Variants in TENM1 observed in about 807,000 individuals in gnomAD.
The protein encoded by TENM1 is teneurin transmembrane protein 1, also known as teneurin-1.
TENM1 carries 35 observed loss-of-function variants against 174.8 expected under a neutral mutation model. The observed-to-expected ratio is 0.20, with a 90% CI of 0.15 to 0.27. The LOEUF is 0.27. Among genes scored for constraint, TENM1 ranks in the 10% least tolerant of loss-of-function variants. The pLI, the probability that TENM1 is intolerant of heterozygous loss-of-function variation, is 1.00. For missense variants in TENM1, 1,633 were observed against 2,130.1 expected (o/e 0.77, Z 4.59); for synonymous variants, 781 against 798.7 (o/e 0.98, Z 0.37).
intron 3 of TENM1, among the ~76,000 whole-genome samples, chrX:124,759,942 C>T (rs1469496409): frequency 9.0e-6 from 1 of 111,508 alleles, no homozygotes; most frequent in African/African-American, 3.3e-5. Flanking sequence ...TCAAGAGTCC[C>T]CGGCAAAACC....
rs184855558 is a variant in TENM1, at chrX:124,759,357, C to T, written c.536-22160G>A. Among the ~76,000 whole-genome samples the T allele has an allele frequency of 1.3e-4, 14 of 110,804 alleles. No individual in the cohort carries two copies. In the East Asian group the frequency reaches 2.5e-3, roughly 20 times the overall value. ...ATTATTTCCATAAGCTTTTGGGGAA[C>T]GGGTGGTATTTGGTTACATAAGTTC... On this transcript the variant is annotated intron_variant, in intron 3 of 31. Coordinates refer to ENST00000422452, the Ensembl canonical transcript of TENM1.
intron 13 of TENM1, among the ~76,000 whole-genome samples, chrX:124,562,894 T>A (rs1037194813): frequency 1.4e-4 from 16 of 112,162 alleles, no homozygotes; most frequent in Admixed American, 4.7e-4. Flanking sequence ...AAAAAAAGAT[T>A]AAAAAATCTG....
chrX:125,123,754 A>G, the TENM1 span, among the ~76,000 whole-genome samples: 3 of 112,776 alleles, frequency 2.7e-5, no homozygotes, highest in Non-Finnish European at 5.6e-5. Context: ...TTAAATTCTG[A>G]TATCACTCAT....
intron 22 of TENM1, among the ~76,000 whole-genome samples, chrX:124,481,164 T>C (rs940631486): frequency 8.9e-5 from 10 of 112,294 alleles, no homozygotes; most frequent in African/African-American, 1.9e-4. Context: ...ACTGAAAATA[T>C]AAGTAATTTC....
the TENM1 span, among the ~76,000 whole-genome samples, chrX:125,079,518 A>T: frequency 8.9e-6 from 1 of 112,097 alleles, no homozygotes; most frequent in Non-Finnish European, 1.9e-5. Flanking sequence ...ATTTCTGATA[A>T]ACAATATATG....
chrX:125,146,921 TTTAC>T, the TENM1 span, among the ~76,000 whole-genome samples: 1 of 111,213 alleles, frequency 9.0e-6, no homozygotes. Context: ...TCTTTGGCTT[TTTAC>T]TTAACAGAGA....
chrX:124,796,128 A>T (rs1246232553), intron 3 of TENM1, among the ~76,000 whole-genome samples: 2 of 111,569 alleles, frequency 1.8e-5, no homozygotes, highest in African/African-American at 6.5e-5. Context: ...TACAAGAAAT[A>T]ATATTAAGAA....
intron 22 of TENM1, among the ~76,000 whole-genome samples, chrX:124,469,694 T>C (rs1422964561): frequency 9.0e-6 from 1 of 111,025 alleles, no homozygotes; most frequent in Non-Finnish European, 1.9e-5. Context: ...TCTGACCATA[T>C]GAAGTTAGAA....
the TENM1 span, among the ~76,000 whole-genome samples, chrX:125,105,467 C>G: frequency 9.0e-6 from 1 of 111,689 alleles, no homozygotes; most frequent in African/African-American, 3.3e-5. Flanking sequence ...GGAGGCCTTC[C>G]TGGGTACATG....
chrX:125,065,331 C>T, the TENM1 span, among the ~76,000 whole-genome samples: 19,195 of 111,180 alleles, frequency 0.17, 1,322 homozygotes, highest in Admixed American at 0.32. Flanking sequence ...AAATCTTTAA[C>T]AAGCGTTTTT....
chrX:125,132,254 CA>C, the TENM1 span, among the ~76,000 whole-genome samples: 8 of 111,441 alleles, frequency 7.2e-5, no homozygotes, highest in Non-Finnish European at 1.5e-4. Context: ...CTAGTAACCT[CA>C]GGGGTTCAGA....
At chrX:124,688,130 C>G (rs184143679) in intron 5 of TENM1, among the ~76,000 whole-genome samples, 79 of 105,026 alleles carry the variant, frequency 7.5e-4, no homozygotes, top group Middle Eastern at 4.9e-3. Flanking sequence ...CTCTCCTCTC[C>G]TCTCCTCTCT....
the TENM1 span, among the ~76,000 whole-genome samples, chrX:125,141,618 A>G: frequency 4.5e-5 from 5 of 111,564 alleles, no homozygotes; most frequent in Non-Finnish European, 9.4e-5. Flanking sequence ...GAGAGAAGGG[A>G]AAGAGGAAAG....
At chrX:124,488,963 T>C (rs2047008181) in intron 20 of TENM1, among the ~76,000 whole-genome samples, 1 of 112,905 alleles carries the variant, frequency 8.9e-6, no homozygotes, top group African/African-American at 3.2e-5. Context: ...TCCCATATTA[T>C]GCAGAGCAGC....
the TENM1 span, among the ~76,000 whole-genome samples, chrX:125,160,892 A>T: frequency 9.1e-6 from 1 of 110,468 alleles, no homozygotes; most frequent in Non-Finnish European, 1.9e-5. Flanking sequence ...GTTCCACAAA[A>T]TGTTAATCAT....
the TENM1 span, among the ~76,000 whole-genome samples, chrX:125,156,982 G>A: frequency 8.9e-6 from 1 of 112,443 alleles, no homozygotes; most frequent in African/African-American, 3.2e-5. Flanking sequence ...GGACAAAAGA[G>A]TGTAGCAGTA....
At chrX:124,402,536 A>G (rs1446698329) in intron 27 of TENM1, among the ~76,000 whole-genome samples, 2 of 112,446 alleles carry the variant, frequency 1.8e-5, no homozygotes, top group Non-Finnish European at 3.8e-5. Flanking sequence ...CAGCACTAAG[A>G]ACAATTTGGG....
Position 124,741,657 on chromosome X carries a change from G to A in TENM1, c.536-4460C>T, listed in dbSNP as rs569635528. Among the ~76,000 whole-genome samples, 5 of 112,080 alleles carry A rather than the reference G, an allele frequency of 4.5e-5. No homozygotes were observed. In the South Asian group the frequency reaches 1.9e-3, roughly 42 times the overall value. ...TGTGAAAGTGGGTGCCAGAAGAGTT[G>A]CAAATTGTGAGTTATTGTGAAGTGG... is the stretch of plus-strand genomic sequence containing the variant. On this transcript the variant is annotated intron_variant, in intron 3 of 31. Coordinates refer to ENST00000422452, the Ensembl canonical transcript of TENM1.
the TENM1 span, among the ~76,000 whole-genome samples, chrX:125,161,751 T>C: frequency 0.028 from 3,141 of 112,169 alleles, 41 homozygotes; most frequent in Non-Finnish European, 0.043. Flanking sequence ...TAAAAAGCCA[T>C]TGAATTTTAT....
Sources: gnomAD v4.1 joint callset for allele counts (sites outside exome capture counted in the v4.1 genomes callset) on GRCh38, gnomAD v4.1.1 for gene constraint, MANE v1.5 for transcripts, NCBI Gene and HGNC (gene_info 2026-07-23, HGNC 2026-07-21) for gene names.